ST6GALNAC3: variants seen among roughly 807,000 people sequenced by gnomAD.
ST6GALNAC3 encodes the protein ST6 N-acetylgalactosaminide alpha-2,6-sialyltransferase 3, also known as alpha-N-acetylgalactosaminide alpha-2,6-sialyltransferase 3.
A neutral mutation model predicts 32.7 loss-of-function variants in ST6GALNAC3; 25 were observed. That is an observed-to-expected ratio of 0.76 (90% CI 0.56 to 1.07). ST6GALNAC3 has a LOEUF of 1.07. Among genes scored for constraint, ST6GALNAC3 ranks in the 50% least tolerant of loss-of-function variants. The pLI is 0.00. For synonymous variants in ST6GALNAC3, 129 were observed against 133.1 expected, an observed-to-expected ratio of 0.97 and a Z score of 0.21; for missense variants, 355 against 382.4, an observed-to-expected ratio of 0.93 and a Z score of 0.60.
intron 1 of ST6GALNAC3, chr1:76,309,979 C>A: frequency 2.0e-6 from 1 of 499,836 alleles, no homozygotes. Flanking sequence ...CTCACGTATG[C>A]ATACGTATGT....
intron 1 of ST6GALNAC3, among the ~76,000 whole-genome samples, chr1:76,152,039 A>G (rs6672569): frequency 0.015 from 2,320 of 152,254 alleles, 45 homozygotes; most frequent in African/African-American, 0.053. Context: ...TTCATGGAAC[A>G]ATATTGTCCT....
chr1:76,361,914 G>T (rs1183823380), intron 2 of ST6GALNAC3, among the ~76,000 whole-genome samples: 2 of 150,422 alleles, frequency 1.3e-5, no homozygotes, highest in Admixed American at 6.7e-5. Context: ...GGAGGTGAAG[G>T]TTGCAGTGCG....
At chr1:76,217,291 G>T (rs1446440770) in intron 1 of ST6GALNAC3, among the ~76,000 whole-genome samples, 2 of 152,148 alleles carry the variant, frequency 1.3e-5, no homozygotes, top group Non-Finnish European at 2.9e-5. Context: ...TTTAGAACTA[G>T]ATTTTTCTTT....
chr1:76,158,583 ATTC>A (rs1428630296), intron 1 of ST6GALNAC3, among the ~76,000 whole-genome samples: 1 of 152,172 alleles, frequency 6.6e-6, no homozygotes, highest in Non-Finnish European at 1.5e-5. Context: ...TTCTTCTTTT[ATTC>A]TTATTTTTAA....
chr1:76,200,728 A>G (rs1200504286), intron 1 of ST6GALNAC3, among the ~76,000 whole-genome samples: 1 of 152,198 alleles, frequency 6.6e-6, no homozygotes, highest in Non-Finnish European at 1.5e-5. Context: ...GTTTGAAACT[A>G]TTTAATAGAC....
rs562047022 is a variant in ST6GALNAC3, at chr1:76,594,028, C to T, written c.624-33424C>T. 2.0e-5 allele frequency among the ~76,000 whole-genome samples: 3 copies of T among 152,168 alleles called. No individual in the cohort carries two copies. In the South Asian group the frequency reaches 6.2e-4, roughly 32 times the overall value. On this transcript the variant is annotated intron_variant, in intron 3 of 4. Coordinates refer to ENST00000328299, the MANE Select transcript of ST6GALNAC3 (RefSeq NM_152996.4). ...AGGGGGCCCTTGTGCTGCCCCTTCT[C>T]CCCTTATTTAGTCAGCATGGAGCCC...
At chr1:76,282,026 T>C (rs1354140894) in intron 1 of ST6GALNAC3, among the ~76,000 whole-genome samples, 1 of 152,122 alleles carries the variant, frequency 6.6e-6, no homozygotes, top group Non-Finnish European at 1.5e-5. Context: ...AAATAGACTT[T>C]TAAAATTCCT....
At chr1:76,298,983 C>T (rs904877365) in intron 1 of ST6GALNAC3, among the ~76,000 whole-genome samples, 1 of 152,002 alleles carries the variant, frequency 6.6e-6, no homozygotes, top group African/African-American at 2.4e-5. Flanking sequence ...ACCTATTTTA[C>T]TCAGGAAGAA....
At chr1:76,113,661 C>T (rs1648253079) in intron 1 of ST6GALNAC3, among the ~76,000 whole-genome samples, 1 of 152,040 alleles carries the variant, frequency 6.6e-6, no homozygotes, top group African/African-American at 2.4e-5. Context: ...GGTTATTTGA[C>T]TGCTTCAGAG....
At chr1:76,439,461 T>C (rs912356936) in intron 3 of ST6GALNAC3, among the ~76,000 whole-genome samples, 4 of 152,148 alleles carry the variant, frequency 2.6e-5, no homozygotes, top group African/African-American at 9.7e-5. Flanking sequence ...AATTTAGGAG[T>C]GTATAAGGCC....
chr1:76,212,204 T>C (rs1170446440), intron 1 of ST6GALNAC3, among the ~76,000 whole-genome samples: 1 of 152,218 alleles, frequency 6.6e-6, no homozygotes, highest in South Asian at 2.1e-4. Context: ...AATTATACTT[T>C]GGATCTTGCC....
At chr1:76,095,403 G>A (rs183577670) in intron 1 of ST6GALNAC3, among the ~76,000 whole-genome samples, 2 of 152,222 alleles carry the variant, frequency 1.3e-5, no homozygotes, top group Non-Finnish European at 1.5e-5. Context: ...CAAACCTGGA[G>A]GGATCTAGGC....
chr1:76,520,316 C>G lies in ST6GALNAC3; in HGVS notation c.624-107136C>G, dbSNP rs368153921. ...CCCCTCTATAAGGATAGGTCATAGC[C>G]TCTTGTATTGGCACAGGAGACCATA... On this transcript the variant is annotated intron_variant, in intron 3 of 4. Coordinates refer to ENST00000328299, the MANE Select transcript of ST6GALNAC3 (RefSeq NM_152996.4). Among the ~76,000 whole-genome samples, 17 of 152,250 alleles carry G rather than the reference C, an allele frequency of 1.1e-4. No individual in the cohort carries two copies. In the East Asian group the frequency reaches 1.2e-3, roughly 10 times the overall value.
At chr1:76,401,244 G>A (rs573352001) in intron 2 of ST6GALNAC3, among the ~76,000 whole-genome samples, 1 of 151,786 alleles carries the variant, frequency 6.6e-6, no homozygotes, top group South Asian at 2.1e-4. Flanking sequence ...CTGAGTACTT[G>A]CTTCTATCTT....
In ST6GALNAC3 at chr1:76,324,761, A is replaced by T. The variant is rs114848105; in HGVS notation, c.213+10762A>T. Among the ~76,000 whole-genome samples, 259 of 152,314 alleles carry T rather than the reference A, an allele frequency of 1.7e-3. 1 individual carries two copies. The highest frequency in any genetic ancestry group is 6.0e-3 in the African/African-American group (251 of 41,560). Reference sequence around the variant, plus strand: ...TAAAGTATGGACTTGAGTTAATAATAATTAATTGTAACAAATGTATTATAC... The same window carrying T: ...TAAAGTATGGACTTGAGTTAATAATTATTAATTGTAACAAATGTATTATAC... On this transcript the variant is annotated intron_variant, in intron 2 of 4. Coordinates refer to ENST00000328299, the MANE Select transcript of ST6GALNAC3 (RefSeq NM_152996.4).
At chr1:76,491,683 T>A (rs1226982386) in intron 3 of ST6GALNAC3, among the ~76,000 whole-genome samples, 1 of 152,104 alleles carries the variant, frequency 6.6e-6, no homozygotes, top group African/African-American at 2.4e-5. Context: ...TCACTATATC[T>A]CCCCAGCTAC....
At chr1:76,393,626 G>T (rs1177986391) in intron 2 of ST6GALNAC3, among the ~76,000 whole-genome samples, 1 of 152,088 alleles carries the variant, frequency 6.6e-6, no homozygotes, top group Non-Finnish European at 1.5e-5. Context: ...AAGAAAAATA[G>T]CAAAGAGCTA....
chr1:76,583,908 C>G (rs761184537), intron 3 of ST6GALNAC3, among the ~76,000 whole-genome samples: 40 of 152,188 alleles, frequency 2.6e-4, no homozygotes, highest in Non-Finnish European at 4.9e-4. Flanking sequence ...TAAGCTTCTT[C>G]AACAAAGATC....
intron 3 of ST6GALNAC3, among the ~76,000 whole-genome samples, chr1:76,558,601 G>C (rs1335396762): frequency 6.6e-6 from 1 of 152,104 alleles, no homozygotes; most frequent in Non-Finnish European, 1.5e-5. Flanking sequence ...CCCTAGAGTA[G>C]GGAGAATGGG....
Sources: allele counts gnomAD v4.1 joint callset (sites outside exome capture counted in the v4.1 genomes callset), GRCh38; gene constraint gnomAD v4.1.1; transcripts MANE v1.5; gene names NCBI Gene and HGNC (gene_info 2026-07-23, HGNC 2026-07-21).